Variants in GALE observed in about 807,000 individuals in gnomAD.
The protein encoded by GALE is UDP-galactose-4-epimerase.
A neutral mutation model predicts 44.1 loss-of-function variants in GALE; 32 were observed. The ratio of observed to expected loss-of-function variants is 0.73; its 90% CI spans 0.55 to 0.97. The LOEUF (loss-of-function observed/expected upper bound fraction) is 0.97. Ranked by LOEUF, GALE falls within the 50% of genes least tolerant of loss-of-function variation. The pLI, the probability that GALE is intolerant of heterozygous loss-of-function variation, is 0.00. For missense variants in GALE, 423 were observed against 455.6 expected (o/e 0.93, Z 0.65); for synonymous variants, 182 against 183.5 (o/e 0.99, Z 0.06).
At chr1:23,800,359 C>G (rs1364859542) in intron 1 of GALE, 2 of 152,402 alleles carry the variant, frequency 1.3e-5, no homozygotes, top group East Asian at 3.8e-4. Flanking sequence ...TGGTCTGAGG[C>G]CGGCTGCGCC....
At chr1:23,800,134 G>C (rs1038037921) in intron 1 of GALE, 2 of 152,272 alleles carry the variant, frequency 1.3e-5, no homozygotes, top group African/African-American at 4.8e-5. Flanking sequence ...GGCCAGAGAG[G>C]TGAAACAGTT....
chr1:23,796,702 A>C lies in GALE; in HGVS notation c.790T>G (p.Cys264Gly). Residue 264 changes from cysteine to glycine, a missense_variant, in exon 9 of 12, where the codon TGC becomes GGC. Cys to Gly is a radical substitution (Grantham distance 159). Transcript: ENST00000617979. The surrounding 1 kb of genome is among the most constrained non-coding windows in gnomAD (Gnocchi z 5.2). Reference sequence around the variant, plus strand: ...CTTCTCCCTTCTCTTCCTACCCGGCAGCCACACTGTTCTTTCAGCTTCCTT... The same window carrying C: ...CTTCTCCCTTCTCTTCCTACCCGGCCGCCACACTGTTCTTTCAGCTTCCTT... ...ALRKLKEQCG[C>G]RIYNLGTGTG... The C allele has an allele frequency of 6.2e-7, 1 of 1,613,284 alleles. No homozygotes were observed.
chr1:23,796,110 C>G lies in GALE; in HGVS notation c.988+41G>C. On this transcript the variant is annotated intron_variant, in intron 11 of 11. Transcript: ENST00000617979. This position sits in a 1 kb window ranked among gnomAD's most constrained non-coding sequence, Gnocchi z 5.2. ...GGGCATGCCCAGATCTGATTTAGCC[C>G]CTCCCTGGCCCCTAACTGCAGGGGT... 6.2e-7 allele frequency: 1 copy of G among 1,605,232 alleles called. No individual in the cohort carries two copies. The highest frequency in any genetic ancestry group is 8.5e-7 in the Non-Finnish European group (1 of 1,172,064).
chr1:23,797,518 C>A (rs1638997451), intron 6 of GALE, among the ~76,000 whole-genome samples, 177 bp downstream of exon 6: 1 of 152,086 alleles, frequency 6.6e-6, no homozygotes, highest in Non-Finnish European at 1.5e-5. Context: ...CTGCGCCCGG[C>A]CAGTTGTCTA....
rs751164893 is a variant in GALE, at chr1:23,796,032, C to T, written c.989-25G>A. ...CCTGCAACACGGCGAGGTGTGTGCTCAGGGCCCACGGTGGAATGCAGAGCC... is the reference window on the plus strand; with the variant it reads ...CCTGCAACACGGCGAGGTGTGTGCTTAGGGCCCACGGTGGAATGCAGAGCC... On this transcript the variant is annotated intron_variant, in intron 11 of 11. Transcript: ENST00000617979. This position sits in a 1 kb window ranked among gnomAD's most constrained non-coding sequence, Gnocchi z 5.2. 4 of 1,613,332 alleles carry T rather than the reference C, an allele frequency of 2.5e-6. No individual in the cohort carries two copies. The highest frequency in any genetic ancestry group is 3.4e-6 in the Non-Finnish European group (4 of 1,179,572).
chr1:23,797,938 A>T, intron 5 of GALE, 67 bp from the exon 6 acceptor site: 1 of 1,538,996 alleles, frequency 6.5e-7, no homozygotes, highest in Non-Finnish European at 9.0e-7. Flanking sequence ...TTACTCCTCC[A>T]CAGGAGAATG....
Position 23,798,311 on chromosome 1 carries a change from CTT to C in GALE, c.238-83_238-82del, listed in dbSNP as rs372075997. The C allele has an allele frequency of 6.8e-3, 5,271 of 770,884 alleles. No homozygotes were observed. Among genetic ancestry groups the C allele is most frequent in the Non-Finnish European group, 8.0e-3 (3,810 of 473,756 alleles). 47.8% of individuals were successfully genotyped at this position (770,884 alleles called of 1,614,324 possible). A position where few individuals can be genotyped will look rare whatever the true frequency, so the allele number is the denominator to read the frequency against. The stretch of plus-strand genomic sequence containing the variant: ...CCTCAGCCTGCCTGCCTGCACTCAC[CTT>C]TTTTTTTTTTTTTGACAGTCTCGCT... On this transcript the variant is annotated intron_variant, in intron 4 of 11. Transcript: ENST00000617979. This position sits in a 1 kb window ranked among gnomAD's most constrained non-coding sequence, Gnocchi z 4.5.
chr1:23,798,546 TCTC>T lies in GALE; in HGVS notation c.237+66_237+68del, dbSNP rs1241877620. ...GTCTTGAACACCTGGGCTCAAGTGATCTCCTCACCTCGGCCTTCCAAAGTGCTG... is the reference window on the plus strand; with the variant it reads ...GTCTTGAACACCTGGGCTCAAGTGATCTCACCTCGGCCTTCCAAAGTGCTG... On this transcript the variant is annotated intron_variant, in intron 4 of 11. Coordinates refer to ENST00000617979, the MANE Select transcript of GALE (RefSeq NM_001008216.2). This position sits in a 1 kb window ranked among gnomAD's most constrained non-coding sequence, Gnocchi z 4.5. The T allele has an allele frequency of 3.6e-6, 4 of 1,105,734 alleles. No individual in the cohort carries two copies. The highest frequency in any genetic ancestry group is 3.4e-5 in the Admixed American group (2 of 58,918). 68.5% of individuals were successfully genotyped at this position (1,105,734 alleles called of 1,614,324 possible). A position where few individuals can be genotyped will look rare whatever the true frequency, so the allele number is the denominator to read the frequency against.
In GALE at chr1:23,796,061, C is replaced by A; in HGVS notation, c.989-54G>T. The A allele has an allele frequency of 6.2e-7, 1 of 1,607,004 alleles. No individual in the cohort carries two copies. The highest frequency in any genetic ancestry group is 2.2e-5 in the East Asian group (1 of 44,754). Reference sequence around the variant, plus strand: ...GCCCACGGTGGAATGCAGAGCCTCCCCCACCCCACAGCCCGCCCTGGGTGG... The same window carrying A: ...GCCCACGGTGGAATGCAGAGCCTCCACCACCCCACAGCCCGCCCTGGGTGG... On this transcript the variant is annotated intron_variant, in intron 11 of 11. Transcript: ENST00000617979. This position sits in a 1 kb window ranked among gnomAD's most constrained non-coding sequence, Gnocchi z 5.2.
At position 23,797,216 on chromosome 1, in the gene GALE, T is replaced by TC. The variant is rs796186958; in HGVS notation, c.529-70dup. On this transcript the variant is annotated intron_variant, in intron 6 of 11. Transcript: ENST00000617979. ...CGTGTCCCAGCTGAACCCAGAGCCC[T>TC]CCTCATGCCTATTCTGTTTTTTTGA... The TC allele has an allele frequency of 1.1e-4, 118 of 1,059,720 alleles. No homozygotes were observed. In the African/African-American group the frequency reaches 1.6e-3, roughly 15 times the overall value. 65.6% of individuals were successfully genotyped at this position (1,059,720 alleles called of 1,614,324 possible).
chr1:23,798,412 C>T lies in GALE; in HGVS notation c.238-182G>A, dbSNP rs750854441. On this transcript the variant is annotated intron_variant, in intron 4 of 11. Coordinates refer to ENST00000617979, the MANE Select transcript of GALE (RefSeq NM_001008216.2). This position sits in a 1 kb window ranked among gnomAD's most constrained non-coding sequence, Gnocchi z 4.5. Reference sequence around the variant, plus strand: ...CTCCACCTCCCAGGCTCAAGCCATCCTCCCATGCCAGCCTCCCGAGTAGCT... The same window carrying T: ...CTCCACCTCCCAGGCTCAAGCCATCTTCCCATGCCAGCCTCCCGAGTAGCT... The T allele has an allele frequency of 5.7e-6, 4 of 700,346 alleles. No homozygotes were observed. Among genetic ancestry groups the T allele is most frequent in the African/African-American group, 1.8e-5 (1 of 56,868 alleles). 43.4% of individuals were successfully genotyped at this position (700,346 alleles called of 1,614,324 possible).
rs1639031148 is a variant in GALE at position 23,798,429 on chromosome 1, C to T, written c.237+186G>A. On this transcript the variant is annotated intron_variant, in intron 4 of 11. Transcript: ENST00000617979. This position sits in a 1 kb window ranked among gnomAD's most constrained non-coding sequence, Gnocchi z 4.5. The stretch of plus-strand genomic sequence containing the variant: ...AAGCCATCCTCCCATGCCAGCCTCC[C>T]GAGTAGCTGGGACCACAGGTATGGG... 3 of 695,912 alleles carry T rather than the reference C, an allele frequency of 4.3e-6. No individual in the cohort carries two copies. Among genetic ancestry groups the T allele is most frequent in the South Asian group, 3.2e-5 (2 of 62,240 alleles). 43.1% of individuals were successfully genotyped at this position (695,912 alleles called of 1,614,324 possible).
rs571625657 is a variant in GALE at position 23,797,776 on chromosome 1, G to C, written c.447C>G (p.Pro149=). The C allele has an allele frequency of 2.4e-4, 387 of 1,613,744 alleles. 1 individual carries two copies. Among genetic ancestry groups the C allele is most frequent in the Non-Finnish European group, 3.1e-4 (367 of 1,179,626 alleles). ...PQYLPLDEAH[P]TGGCTNPYGK... ...CGTAAGGGTTGGTACAACCACCCGT[G>C]GGGTGGGCCTCATCAAGGGGCAGGT... Residue 149 remains proline, a synonymous_variant, in exon 6 of 12, where the codon CCC becomes CCG. Coordinates refer to ENST00000617979, the MANE Select transcript of GALE (RefSeq NM_001008216.2).
chr1:23,796,530 CATAGCCTGGACCATCTGCAGCACTGA>C lies in GALE; in HGVS notation c.826_851del (p.Ser276GlyfsTer19), dbSNP rs1254693047. ...CTACCTTCTTCCCAGAGGCCTTCTC[CATAGCCTGGACCATCTGCAGCACTGA>C]ATAGCCTGTGCCCGTGCCCAGGTTG... On this transcript the variant is annotated frameshift_variant, in exon 10 of 12. Transcript: ENST00000617979. LOFTEE classifies it high-confidence loss of function. The surrounding 1 kb of genome is among the most constrained non-coding windows in gnomAD (Gnocchi z 5.2). 1.2e-6 allele frequency: 2 copies of C among 1,613,784 alleles called. No individual in the cohort carries two copies. The highest frequency in any genetic ancestry group is 1.7e-5 in the Admixed American group (1 of 60,020).
chr1:23,795,658 TA>T lies in GALE; in HGVS notation c.*290del, dbSNP rs1416818288. On this transcript the variant is annotated 3_prime_UTR_variant, in exon 12 of 12. Coordinates refer to ENST00000617979, the MANE Select transcript of GALE (RefSeq NM_001008216.2). ...ACTTTGGAAAGCTCTTTCAGAGCAA[TA>T]TAAATGAGTGCCTGGGAGGAGGAGG... is the stretch of plus-strand genomic sequence containing the variant. 1 of 568,590 alleles carries T rather than the reference TA, an allele frequency of 1.8e-6. No individual in the cohort carries two copies. Among genetic ancestry groups the T allele is most frequent in the Non-Finnish European group, 3.1e-6 (1 of 317,820 alleles). 35.2% of individuals were successfully genotyped at this position (568,590 alleles called of 1,614,324 possible).
In GALE at chr1:23,798,221, T is replaced by C; in HGVS notation, c.247A>G (p.Met83Val). 1.9e-6 allele frequency: 3 copies of C among 1,613,576 alleles called. No homozygotes were observed. Among genetic ancestry groups the C allele is most frequent in the Non-Finnish European group, 2.5e-6 (3 of 1,179,652 alleles). The change falls in exon 5 of 12, where the codon ATG becomes GTG. Residue 83 changes from methionine to valine, a missense_variant. Transcript: ENST00000617979. The surrounding 1 kb of genome is among the most constrained non-coding windows in gnomAD (Gnocchi z 4.5). The part of the protein sequence containing the change: ...LQRLFKKYSF[M>V]AVIHFAGLKA... Reference sequence around the variant, plus strand: ...AGCCCCGCAAAGTGGATGACCGCCATAAAGCTGTACTGCAGGGGTGACATG... The same window carrying C: ...AGCCCCGCAAAGTGGATGACCGCCACAAAGCTGTACTGCAGGGGTGACATG...
chr1:23,798,826 G>C lies in GALE; in HGVS notation c.121+61C>G. On this transcript the variant is annotated intron_variant, in intron 3 of 11. Transcript: ENST00000617979. This position sits in a 1 kb window ranked among gnomAD's most constrained non-coding sequence, Gnocchi z 4.5. ...CATTCCCCGCCCGGTGGTGGAGGTG[G>C]AACCCAGGGTTTTGCTTCTGCCATC... The C allele has an allele frequency of 6.2e-7, 1 of 1,613,330 alleles. No homozygotes were observed. The highest frequency in any genetic ancestry group is 1.1e-5 in the South Asian group (1 of 91,026).
rs756590751 is a variant in GALE, at chr1:23,797,138, C to T, written c.538G>A (p.Ala180Thr). 13 of 1,606,868 alleles carry T rather than the reference C, an allele frequency of 8.1e-6. No homozygotes were observed. Among genetic ancestry groups the T allele is most frequent in the East Asian group, 4.5e-5 (2 of 44,726 alleles). Residue 180 changes from alanine to threonine, a missense_variant, in exon 7 of 12, where the codon GCA becomes ACA. Ala to Thr is a moderately conservative substitution (Grantham distance 58). Coordinates refer to ENST00000617979, the MANE Select transcript of GALE (RefSeq NM_001008216.2). Reference protein sequence around the residue: ...DLCQADKTWNAVLLRYFNPTG... With the variant: ...DLCQADKTWNTVLLRYFNPTG... ...GGGTTGAAATAGCGCAGCAGCACTG[C>T]GTTCCAAGTCTGTGGGATGTGGGTC...
In GALE at chr1:23,798,615, C is replaced by T. The variant is rs374476442; in HGVS notation, c.237G>A (p.Lys79=). 3.1e-6 allele frequency: 5 copies of T among 1,611,188 alleles called. No homozygotes were observed. The African/African-American group carries it at 5.3e-5, about 17-fold the overall frequency. Reference sequence around the variant, plus strand: ...GCCACCGTGCCCAGCCTGCACCCACCTTTTTGAAGAGACGCTGTAGGGCTC... The same window carrying T: ...GCCACCGTGCCCAGCCTGCACCCACTTTTTTGAAGAGACGCTGTAGGGCTC... ...DQGALQRLFK[K]YSFMAVIHFA... is the part of the protein sequence containing the mutation. Residue 79 remains lysine, a splice_region_variant and synonymous_variant, in exon 4 of 12, where the codon AAG becomes AAA. Coordinates refer to ENST00000617979, the MANE Select transcript of GALE (RefSeq NM_001008216.2). The surrounding 1 kb of genome is among the most constrained non-coding windows in gnomAD (Gnocchi z 4.5).
Sources: allele counts gnomAD v4.1 joint callset (sites outside exome capture counted in the v4.1 genomes callset), GRCh38; gene constraint gnomAD v4.1.1; non-coding constraint Gnocchi (gnomAD v3.1); transcripts MANE v1.5; gene names NCBI Gene and HGNC (gene_info 2026-07-23, HGNC 2026-07-21).